Variants in EXOC4 observed in about 807,000 individuals in gnomAD.
The protein encoded by EXOC4 is exocyst complex component 4.
Under a neutral mutation model 107.2 loss-of-function variants are expected in EXOC4, and 71 were observed. The observed-to-expected ratio is 0.66, with a 90% CI of 0.55 to 0.81. The LOEUF is 0.81. Among genes scored for constraint, EXOC4 ranks in the 30% least tolerant of loss-of-function variants. The probability of loss-of-function intolerance (pLI) is 0.00; values close to 1 mark genes in which losing one functional copy is unlikely to be tolerated. For missense variants in EXOC4, 1,108 were observed against 1,189.6 expected (o/e 0.93, Z 1.01); for synonymous variants, 456 against 441.2 (o/e 1.03, Z -0.42).
intron 11 of EXOC4, among the ~76,000 whole-genome samples, chr7:133,863,264 A>C (rs1027505336): frequency 2.6e-5 from 4 of 152,228 alleles, no homozygotes; most frequent in African/African-American, 7.2e-5. Context: ...TGGATCACCT[A>C]GATATCCAAA....
chr7:133,422,749 A>C (rs1482284855), intron 7 of EXOC4, among the ~76,000 whole-genome samples: 1 of 152,240 alleles, frequency 6.6e-6, no homozygotes, highest in Non-Finnish European at 1.5e-5. Flanking sequence ...GGAGCAATTA[A>C]AAATAACCTA....
chr7:133,855,068 TCTAA>T (rs1441437263), intron 11 of EXOC4, among the ~76,000 whole-genome samples: 1 of 76,410 alleles, frequency 1.3e-5, no homozygotes, highest in African/African-American at 1.0e-4. Flanking sequence ...TCTAAATATA[TCTAA>T]ATATATCTAA....
At chr7:133,466,451 C>T (rs977062210) in intron 7 of EXOC4, among the ~76,000 whole-genome samples, 28 of 152,026 alleles carry the variant, frequency 1.8e-4, no homozygotes, top group Non-Finnish European at 3.7e-4. Flanking sequence ...GCCAATCAGA[C>T]GATGTAGATG....
chr7:133,787,953 A>ATATTTT (rs1796611392), intron 10 of EXOC4, among the ~76,000 whole-genome samples: 1 of 15,614 alleles, frequency 6.4e-5, no homozygotes, highest in African/African-American at 1.5e-4. Context: ...CTGTGCATAT[A>ATATTTT]TTTATATATT....
chr7:133,759,641 A>T (rs931217932), intron 10 of EXOC4, among the ~76,000 whole-genome samples: 2 of 152,182 alleles, frequency 1.3e-5, no homozygotes, highest in African/African-American at 4.8e-5. Context: ...CTGCATATAA[A>T]GTTGTCATTA....
chr7:133,485,113 A>T (rs1270642962), intron 9 of EXOC4, among the ~76,000 whole-genome samples: 2 of 150,882 alleles, frequency 1.3e-5, no homozygotes, highest in African/African-American at 2.4e-5. Flanking sequence ...AAATAAATAA[A>T]TAAATAATTA....
rs115405383 is a variant in EXOC4, at chr7:133,849,941, A to G, written c.1734+32397A>G. On this transcript the variant is annotated intron_variant, in intron 11 of 17. Transcript: ENST00000253861. Reference sequence around the variant, plus strand: ...ATAAACATTCATCACTAAGCACTTCAGCATATGAAATATTACTGTTTTCAA... The same window carrying G: ...ATAAACATTCATCACTAAGCACTTCGGCATATGAAATATTACTGTTTTCAA... 2.4e-3 allele frequency among the ~76,000 whole-genome samples: 367 copies of G among 152,364 alleles called. 5 individuals carry two copies. The highest frequency in any genetic ancestry group is 8.2e-3 in the African/African-American group (343 of 41,586).
At chr7:133,592,736 G>A (rs1419434994) in intron 9 of EXOC4, among the ~76,000 whole-genome samples, 1 of 152,168 alleles carries the variant, frequency 6.6e-6, no homozygotes, top group Admixed American at 6.5e-5. Context: ...CCGAGTAGCT[G>A]GGATTACAGC....
rs149404161 is a variant in EXOC4 at position 133,404,871 on chromosome 7, G to GCC, written c.1182+29879_1182+29880dup. ...GTGAGACTGCGCCTCCACCCCCTGC[G>GCC]CCCCCCCCCCCAATACACACACACA... On this transcript the variant is annotated intron_variant, in intron 7 of 17. Coordinates refer to ENST00000253861, the MANE Select transcript of EXOC4 (RefSeq NM_021807.4). Among the ~76,000 whole-genome samples the GCC allele has an allele frequency of 1.8e-3, 157 of 86,766 alleles. 4 individuals are homozygous for GCC. The highest frequency in any genetic ancestry group is 7.6e-3 in the Middle Eastern group (1 of 132). 56.9% of individuals were successfully genotyped at this position (86,766 alleles called of 152,430 possible). A position where few individuals can be genotyped will look rare whatever the true frequency, so the allele number is the denominator to read the frequency against.
chr7:133,586,403 C>T (rs1287499565), intron 9 of EXOC4, among the ~76,000 whole-genome samples: 1 of 152,194 alleles, frequency 6.6e-6, no homozygotes, highest in African/African-American at 2.4e-5. Context: ...ATAATGACCT[C>T]CAGCTCCATC....
At chr7:133,659,950 A>G (rs916247316) in intron 10 of EXOC4, among the ~76,000 whole-genome samples, 1 of 152,168 alleles carries the variant, frequency 6.6e-6, no homozygotes, top group Non-Finnish European at 1.5e-5. Context: ...GACTGAACTC[A>G]CTTCCTTTCT....
intron 5 of EXOC4, among the ~76,000 whole-genome samples, chr7:133,324,889 T>A (rs1795201289): frequency 6.6e-6 from 1 of 152,222 alleles, no homozygotes; most frequent in Admixed American, 6.5e-5. Context: ...TGAATCTGGG[T>A]GCTCCTGTAT....
At chr7:134,088,630 T>C in the EXOC4 span, among the ~76,000 whole-genome samples, 4 of 152,198 alleles carry the variant, frequency 2.6e-5, no homozygotes, top group Admixed American at 2.0e-4. Context: ...TCTATTCTAA[T>C]GTCACAATTT....
At chr7:134,079,251 T>C in the EXOC4 span, among the ~76,000 whole-genome samples, 4 of 152,288 alleles carry the variant, frequency 2.6e-5, no homozygotes, top group Middle Eastern at 3.4e-3. Context: ...CAGCACCTTA[T>C]TGGAAAGTTT....
chr7:133,700,981 G>GA (rs935718707), intron 10 of EXOC4, among the ~76,000 whole-genome samples: 115 of 146,926 alleles, frequency 7.8e-4, no homozygotes, highest in African/African-American at 2.6e-3. Flanking sequence ...TCTGTATCAA[G>GA]AAAAAAAAAA....
chr7:134,088,341 C>T, the EXOC4 span, among the ~76,000 whole-genome samples: 1 of 152,170 alleles, frequency 6.6e-6, no homozygotes, highest in Non-Finnish European at 1.5e-5. Flanking sequence ...TAAGAATACT[C>T]ACAAGTAGTT....
intron 10 of EXOC4, among the ~76,000 whole-genome samples, chr7:133,657,218 A>G (rs971220795): frequency 2.0e-5 from 3 of 152,174 alleles, no homozygotes; most frequent in African/African-American, 7.2e-5. Flanking sequence ...TTCCATTCCT[A>G]GTTAATATTC....
At chr7:133,762,807 G>A (rs886223875) in intron 10 of EXOC4, among the ~76,000 whole-genome samples, 6 of 152,086 alleles carry the variant, frequency 3.9e-5, no homozygotes, top group African/African-American at 1.4e-4. Flanking sequence ...TGTACAATAT[G>A]ATAATTGTGT....
chr7:133,748,060 G>A (rs1017747512), intron 10 of EXOC4, among the ~76,000 whole-genome samples: 9 of 152,022 alleles, frequency 5.9e-5, no homozygotes, highest in African/African-American at 1.9e-4. Flanking sequence ...TTCTCTTCCC[G>A]GGGGCATATA....
Sources: gnomAD v4.1 joint callset for allele counts (sites outside exome capture counted in the v4.1 genomes callset) on GRCh38, gnomAD v4.1.1 for gene constraint, MANE v1.5 for transcripts, NCBI Gene and HGNC (gene_info 2026-07-23, HGNC 2026-07-21) for gene names.